The following SMPX variants were observed in gnomAD, a reference collection of about 807,000 sequenced individuals.
SMPX encodes small muscular protein.
In SMPX, 2 loss-of-function variants were observed where a neutral mutation model predicts 6.3. The observed-to-expected ratio is 0.32, with a 90% CI of 0.13 to 0.99. SMPX has a LOEUF of 0.99. Ranked by LOEUF, SMPX falls within the 50% of genes least tolerant of loss-of-function variation. SMPX has a pLI of 0.49. For synonymous variants in SMPX, 32 were observed against 24.7 expected, an observed-to-expected ratio of 1.30 and a Z score of -0.88; for missense variants, 60 against 66.8, an observed-to-expected ratio of 0.90 and a Z score of 0.36.
Position 21,754,315 on chromosome X carries a change from G to C in SMPX, c.-12-13C>G, listed in dbSNP as rs1233592578. On this transcript the variant is annotated splice_polypyrimidine_tract_variant and intron_variant, in intron 1 of 4. Transcript: ENST00000379494. ...TGCAGTCTTATCCCTAAAAAAACAA[G>C]TAAGAAACTGTTAGAGGTGGCAGCA... The C allele has an allele frequency of 4.3e-6, 5 of 1,164,496 alleles. No homozygotes were observed. The South Asian group carries it at 8.9e-5, about 21-fold the overall frequency.
chrX:21,750,424 TCATTTATG>T (rs765106801), intron 2 of SMPX, among the ~76,000 whole-genome samples: 27 of 112,081 alleles, frequency 2.4e-4, no homozygotes, highest in African/African-American at 8.1e-4. Flanking sequence ...CCACATTCAT[TCATTTATG>T]TACTGCCTAT....
At chrX:21,730,113 C>G (rs2092801626) in intron 4 of SMPX, among the ~76,000 whole-genome samples, 1 of 112,228 alleles carries the variant, frequency 8.9e-6, no homozygotes. Flanking sequence ...AAAACCATTT[C>G]CTTCAGAGAA....
chrX:21,706,180 TG>T lies in SMPX; in HGVS notation c.*228del. On this transcript the variant is annotated 3_prime_UTR_variant, in exon 5 of 5. Coordinates refer to ENST00000379494, the MANE Select transcript of SMPX (RefSeq NM_014332.3). ...CCTCCTCAAAACCACACCCTCCAGG[TG>T]TTGAATTTATGGGCTAATTTGTTCT... 1 of 511,578 alleles carries T rather than the reference TG, an allele frequency of 2.0e-6. No individual in the cohort carries two copies. 42.2% of individuals were successfully genotyped at this position (511,578 alleles called of 1,213,427 possible).
chrX:21,733,553 CAGA>C lies in SMPX; in HGVS notation c.*14+3993_*14+3995del. The C allele has an allele frequency of 4.0e-5, 10 of 248,204 alleles. No individual in the cohort carries two copies. In the South Asian group the frequency reaches 4.3e-4, roughly 11 times the overall value. The allele number at this position is 248,204 out of a possible 1,213,427, so 20.5% of individuals were successfully genotyped here. On this transcript the variant is annotated intron_variant, in intron 4 of 4. Coordinates refer to ENST00000379494, the MANE Select transcript of SMPX (RefSeq NM_014332.3). ...CAGACAGAAGGGATTCTTGAAACTT[CAGA>C]AGGAGAATTTCTTTTTAGAGCTTCA...
chrX:21,749,445 C>T (rs185250900), intron 2 of SMPX, among the ~76,000 whole-genome samples: 72 of 111,971 alleles, frequency 6.4e-4, no homozygotes, highest in African/African-American at 2.0e-3. Context: ...ATCCATAAAA[C>T]GGTAATTGCC....
intron 4 of SMPX, among the ~76,000 whole-genome samples, chrX:21,736,964 C>A (rs974990721): frequency 9.0e-6 from 1 of 111,193 alleles, no homozygotes; most frequent in Non-Finnish European, 1.9e-5. Flanking sequence ...AGGTCACAAG[C>A]CCTGCTTGCA....
intron 4 of SMPX, among the ~76,000 whole-genome samples, chrX:21,707,008 G>A (rs917651773): frequency 3.7e-5 from 4 of 108,190 alleles, no homozygotes; most frequent in African/African-American, 1.3e-4. Context: ...ATAGCAGCAC[G>A]AGAACGGACT....
intron 2 of SMPX, among the ~76,000 whole-genome samples, chrX:21,752,834 C>G (rs762579428): frequency 3.6e-5 from 4 of 111,450 alleles, no homozygotes; most frequent in Non-Finnish European, 7.5e-5. Context: ...CTGTTTTAAG[C>G]ATTTTATACA....
intron 4 of SMPX, among the ~76,000 whole-genome samples, chrX:21,707,201 CTA>C (rs1477715040): frequency 9.1e-6 from 1 of 109,532 alleles, no homozygotes; most frequent in African/African-American, 3.3e-5. Flanking sequence ...CCATATTTGT[CTA>C]TGACTGTCTT....
intron 4 of SMPX, among the ~76,000 whole-genome samples, chrX:21,731,699 A>AATGTGT (rs1555973424): frequency 1.1e-5 from 1 of 90,018 alleles, no homozygotes; most frequent in African/African-American, 4.2e-5. Context: ...TGTACACATA[A>AATGTGT]ATGTGTATAT....
At chrX:21,720,030 G>C (rs1266013695) in intron 4 of SMPX, among the ~76,000 whole-genome samples, 1 of 111,894 alleles carries the variant, frequency 8.9e-6, no homozygotes, top group East Asian at 2.8e-4. Flanking sequence ...AAAAAATGAA[G>C]GGGGTAGGTG....
chrX:21,709,901 A>G lies in SMPX; in HGVS notation c.*15-3507T>C, dbSNP rs183515757. On this transcript the variant is annotated intron_variant, in intron 4 of 4. Coordinates refer to ENST00000379494, the MANE Select transcript of SMPX (RefSeq NM_014332.3). Reference sequence around the variant, plus strand: ...ATGATCCATAGGAAATTGTAACTGAAGCATGTTTTATGAGGTGTGATTTCT... The same window carrying G: ...ATGATCCATAGGAAATTGTAACTGAGGCATGTTTTATGAGGTGTGATTTCT... 1.4e-4 allele frequency among the ~76,000 whole-genome samples: 16 copies of G among 111,950 alleles called. No homozygotes were observed. In the East Asian group the frequency reaches 4.2e-3, roughly 29 times the overall value.
chrX:21,721,795 C>G lies in SMPX; in HGVS notation c.*15-15401G>C, dbSNP rs775235808. Among the ~76,000 whole-genome samples, 5 of 112,458 alleles carry G rather than the reference C, an allele frequency of 4.4e-5. No individual in the cohort carries two copies. In the South Asian group the frequency reaches 1.8e-3, roughly 41 times the overall value. On this transcript the variant is annotated intron_variant, in intron 4 of 4. Transcript: ENST00000379494. ...ACAAACGATGGTTCTCACCCAAAGC[C>G]CAAGGCTGGACAACTGAGTTGTTCA...
intron 4 of SMPX, chrX:21,727,700 C>G (rs2092798523): frequency 8.9e-6 from 1 of 111,883 alleles, no homozygotes; most frequent in African/African-American, 3.3e-5. Context: ...ATTGACTGAC[C>G]CTGCCTCGGA....
intron 4 of SMPX, among the ~76,000 whole-genome samples, chrX:21,725,487 A>T (rs1213745487): frequency 1.8e-5 from 2 of 112,771 alleles, no homozygotes; most frequent in Non-Finnish European, 3.7e-5. Context: ...TTCTCTTCAG[A>T]GAAAAATCAA....
At chrX:21,745,386 C>CTT (rs2092820318) in intron 2 of SMPX, among the ~76,000 whole-genome samples, 1 of 111,307 alleles carries the variant, frequency 9.0e-6, no homozygotes, top group Non-Finnish European at 1.9e-5. Context: ...AAATATGGAG[C>CTT]CATACTTCAT....
At chrX:21,742,516 A>G (rs945015576) in intron 3 of SMPX, among the ~76,000 whole-genome samples, 1 of 112,216 alleles carries the variant, frequency 8.9e-6, no homozygotes, top group East Asian at 2.8e-4. Flanking sequence ...ACTCGATGGC[A>G]AAGTTAACAG....
At chrX:21,749,149 C>A (rs1404045841) in intron 2 of SMPX, among the ~76,000 whole-genome samples, 1 of 112,120 alleles carries the variant, frequency 8.9e-6, no homozygotes, top group Non-Finnish European at 1.9e-5. Flanking sequence ...CAATGGAAAA[C>A]TTCCCATGCT....
chrX:21,706,941 T>C (rs991915931), intron 4 of SMPX, among the ~76,000 whole-genome samples: 1 of 110,307 alleles, frequency 9.1e-6, no homozygotes, highest in African/African-American at 3.3e-5. Flanking sequence ...CCCTGCAGAA[T>C]TGTGAGTCAA....
Sources: allele counts gnomAD v4.1 joint callset (sites outside exome capture counted in the v4.1 genomes callset), GRCh38; gene constraint gnomAD v4.1.1; transcripts MANE v1.5; gene names NCBI Gene and HGNC (gene_info 2026-07-23, HGNC 2026-07-21).